Variants in MYOF observed in about 807,000 individuals in gnomAD.
MYOF encodes myoferlin.
Under a neutral mutation model 284.2 loss-of-function variants are expected in MYOF, and 244 were observed. The observed-to-expected ratio is 0.86, with a 90% CI of 0.77 to 0.95. The LOEUF (loss-of-function observed/expected upper bound fraction) is 0.95. MYOF is among the 40% of genes least tolerant of loss of function. The pLI, the probability that MYOF is intolerant of heterozygous loss-of-function variation, is 0.00. For synonymous variants in MYOF, 904 were observed against 919.7 expected (o/e 0.98, Z 0.31); for missense variants, 2,496 against 2,560.6 (o/e 0.97, Z 0.54).
chr10:93,364,025 T>C lies in MYOF; in HGVS notation c.2804A>G (p.Tyr935Cys), dbSNP rs1233453291. The C allele has an allele frequency of 1.2e-6, 2 of 1,614,202 alleles. No homozygotes were observed. Among genetic ancestry groups the C allele is most frequent in the East Asian group, 2.2e-5 (1 of 44,864 alleles). ...CCCGGGGTAGCGGCTCTCGTTCTGATAGACTTCATCAGTGAACTCCGTGTG... is the reference window on the plus strand; with the variant it reads ...CCCGGGGTAGCGGCTCTCGTTCTGACAGACTTCATCAGTGAACTCCGTGTG... ...AGHTEFTDEV[Y>C]QNESRYPGGD... Residue 935 changes from tyrosine to cysteine, a missense_variant, in exon 27 of 54, where the codon TAT becomes TGT. Around this residue, in one of 3 missense-constraint regions of MYOF, gnomAD observed 2,436 missense variants for 2,480.7 expected, o/e 0.98. Transcript: ENST00000359263.
chr10:93,369,640 G>T lies in MYOF; in HGVS notation c.2589+5C>A. The T allele has an allele frequency of 6.2e-7, 1 of 1,614,056 alleles. No homozygotes were observed. Among genetic ancestry groups the T allele is most frequent in the Non-Finnish European group, 8.5e-7 (1 of 1,179,962 alleles). On this transcript the variant is annotated splice_donor_5th_base_variant and intron_variant, in intron 25 of 53. Coordinates refer to ENST00000359263, the MANE Select transcript of MYOF (RefSeq NM_013451.4). ...AAGAAAAGATAGTGAAATCATTAAA[G>T]GTACCATTTCAGCAAAGACGGTGAA...
Position 93,442,234 on chromosome 10 carries a change from C to T in MYOF, c.236+9816G>A, listed in dbSNP as rs542996142. Among the ~76,000 whole-genome samples the T allele has an allele frequency of 7.2e-5, 11 of 152,240 alleles. No individual in the cohort carries two copies. The East Asian group carries it at 1.7e-3, about 24-fold the overall frequency. ...TCATAGTTGATATAAGGATTAAATG[C>T]GATTGTAACTGAAACAGTTTTAACA... On this transcript the variant is annotated intron_variant, in intron 3 of 53. Transcript: ENST00000359263.
Position 93,323,085 on chromosome 10 carries a change from CGTAGAT to C in MYOF, c.5443_5448del (p.Ile1815_Tyr1816del). 6.2e-7 allele frequency: 1 copy of C among 1,613,600 alleles called. No individual in the cohort carries two copies. Among genetic ancestry groups the C allele is most frequent in the South Asian group, 1.1e-5 (1 of 91,062 alleles). On this transcript the variant is annotated inframe_deletion, in exon 48 of 54. Transcript: ENST00000359263. ...CTCACATGCTAACCTTACCCTTTGA[CGTAGAT>C]GTCACTCATTTCCTCTCCTGTGATG...
At chr10:93,326,010 T>C (rs1295795065) in intron 45 of MYOF, 45 bp from the exon 46 acceptor site, 2 of 1,612,330 alleles carry the variant, frequency 1.2e-6, no homozygotes, top group Non-Finnish European at 8.5e-7. Flanking sequence ...TATTTGGGAA[T>C]AGTTCAGCCA....
At chr10:93,357,547 G>T (rs561200282) in intron 29 of MYOF, among the ~76,000 whole-genome samples, 4 of 152,200 alleles carry the variant, frequency 2.6e-5, no homozygotes, top group Non-Finnish European at 5.9e-5. Flanking sequence ...CATGGCAGAA[G>T]TTTGATTTAA....
chr10:93,332,815 C>T (rs536849269), intron 43 of MYOF, among the ~76,000 whole-genome samples: 14 of 151,972 alleles, frequency 9.2e-5, no homozygotes, highest in Non-Finnish European at 1.5e-4. Flanking sequence ...CCACTGCACT[C>T]CAGCATGGGT....
At chr10:93,355,776 TA>T in intron 30 of MYOF, 40 bp from the exon 31 acceptor site, 1 of 1,480,688 alleles carries the variant, frequency 6.8e-7, no homozygotes. Context: ...GAGAAGTCAA[TA>T]AACACTGCCT....
intron 24 of MYOF, among the ~76,000 whole-genome samples, chr10:93,370,314 A>ATTTTTTTTATTTTTTTT (rs1845528798): frequency 8.2e-6 from 1 of 122,466 alleles, no homozygotes; most frequent in African/African-American, 3.5e-5. Context: ...ATGATTACTA[A>ATTTTTTTTATTTTTTTT]TTTTTTTTTT....
chr10:93,396,069 C>G (rs1230500097), intron 16 of MYOF, 73 bp downstream of exon 16: 1 of 1,182,976 alleles, frequency 8.5e-7, no homozygotes. Flanking sequence ...GGTGGCTACC[C>G]CAGTTCATTT....
At chr10:93,339,640 T>C (rs11187387) in intron 39 of MYOF, among the ~76,000 whole-genome samples, 37,615 of 151,814 alleles carry the variant, frequency 0.25, 6,395 homozygotes, top group East Asian at 0.89. Context: ...TGGTGAATGT[T>C]TGTATTTTTA....
At chr10:93,324,791 T>G (rs1300315924) in intron 46 of MYOF, among the ~76,000 whole-genome samples, 1 of 152,104 alleles carries the variant, frequency 6.6e-6, no homozygotes, top group Non-Finnish European at 1.5e-5. Flanking sequence ...TTTTTCTTTT[T>G]TTTTGTGAGA....
intron 1 of MYOF, chr10:93,478,050 G>A (rs1368093912): frequency 5.5e-6 from 1 of 182,112 alleles, no homozygotes; most frequent in African/African-American, 2.4e-5. Flanking sequence ...GAATAGAAGA[G>A]GTGTGGGGAG....
At chr10:93,451,370 G>A (rs911244972) in intron 3 of MYOF, among the ~76,000 whole-genome samples, 2 of 152,122 alleles carry the variant, frequency 1.3e-5, no homozygotes, top group Non-Finnish European at 2.9e-5. Flanking sequence ...AACTTGGTTA[G>A]TTTGAATTGG....
intron 40 of MYOF, among the ~76,000 whole-genome samples, chr10:93,337,265 G>GA (rs1843659492): frequency 1.3e-5 from 2 of 151,352 alleles, no homozygotes; most frequent in East Asian, 3.9e-4. Context: ...ACTACAGGCT[G>GA]AAAATTGAAT....
chr10:93,359,630 G>A (rs1844974957), intron 29 of MYOF, among the ~76,000 whole-genome samples: 1 of 152,218 alleles, frequency 6.6e-6, no homozygotes, highest in African/African-American at 2.4e-5. Context: ...TCTAAATCAG[G>A]AGGTTTGGGG....
chr10:93,474,974 C>G (rs1196551076), intron 1 of MYOF, among the ~76,000 whole-genome samples: 2 of 152,138 alleles, frequency 1.3e-5, no homozygotes, highest in Non-Finnish European at 2.9e-5. Flanking sequence ...GTCTTGAACT[C>G]CTGACCTCAG....
Position 93,361,523 on chromosome 10 carries a change from G to A in MYOF, c.2903C>T (p.Thr968Ile), listed in dbSNP as rs763420903. 1.9e-6 allele frequency: 3 copies of A among 1,614,204 alleles called. No homozygotes were observed. Among genetic ancestry groups the A allele is most frequent in the South Asian group, 2.2e-5 (2 of 91,086 alleles). The change falls in exon 28 of 54, where the codon ACT becomes ATT. Residue 968 changes from threonine (T) to isoleucine (I), a missense_variant. Physicochemically the swap from Thr to Ile is moderately conservative, Grantham distance 89. This residue lies in a region of MYOF where 2,436 missense variants were observed against 2,480.7 expected (regional missense o/e 0.98). Transcript: ENST00000359263. Reference sequence around the variant, plus strand: ...TTCCCATTCCCAACCTGGAGGACAAGTCAACTCGCTGGGTGATGCTGCTTT... The same window carrying A: ...TTCCCATTCCCAACCTGGAGGACAAATCAACTCGCTGGGTGATGCTGCTTT... ...GDKAASPSEL[T>I]CPPGWEWEDD...
intron 51 of MYOF, 150 bp from the exon 52 acceptor site, chr10:93,310,793 A>C: frequency 1.3e-6 from 1 of 753,134 alleles, no homozygotes; most frequent in Non-Finnish European, 2.1e-6. Context: ...ATTTCATCCC[A>C]TTTCCTCTTC....
intron 32 of MYOF, among the ~76,000 whole-genome samples, chr10:93,352,930 C>G (rs1443025431): frequency 1.3e-5 from 2 of 152,126 alleles, no homozygotes; most frequent in Non-Finnish European, 2.9e-5. Context: ...AAAAGGAAAC[C>G]ATTCACAAAT....
Sources: allele counts gnomAD v4.1 joint callset (sites outside exome capture counted in the v4.1 genomes callset), GRCh38; gene constraint gnomAD v4.1.1; regional missense constraint gnomAD v4.1.1; transcripts MANE v1.5; gene names NCBI Gene and HGNC (gene_info 2026-07-23, HGNC 2026-07-21).